The following KLK11 variants were observed in gnomAD, a reference collection of about 807,000 sequenced individuals.
KLK11 encodes the protein kallikrein-11.
KLK11 carries 10 observed loss-of-function variants against 23.4 expected under a neutral mutation model. That is an observed-to-expected ratio of 0.43 (90% CI 0.26 to 0.73). The LOEUF (loss-of-function observed/expected upper bound fraction) is 0.73, where lower values mean the gene tolerates loss of function less well. KLK11 is among the 30% of genes least tolerant of loss of function. The pLI is 0.22. For missense variants in KLK11, 285 were observed against 327.8 expected, an observed-to-expected ratio of 0.87 and a Z score of 1.01; for synonymous variants, 131 against 131.7, an observed-to-expected ratio of 0.99 and a Z score of 0.03.
chr19:51,025,943 G>A lies in KLK11; in HGVS notation c.-35-277C>T. The A allele has an allele frequency of 3.4e-6, 1 of 297,998 alleles. No individual in the cohort carries two copies. The highest frequency in any genetic ancestry group is 6.2e-6 in the Non-Finnish European group (1 of 161,208). 18.5% of individuals were successfully genotyped at this position (297,998 alleles called of 1,614,324 possible). On this transcript the variant is annotated intron_variant, in intron 1 of 5. Transcript: ENST00000453757. This position sits in a 1 kb window ranked among gnomAD's most constrained non-coding sequence, Gnocchi z 6.2. ...AAGTCGTTGGGAGGGGCTTTGAGCT[G>A]TCAAGCCATGGTTCGGCCCTGTTCA...
intron 5 of KLK11, 38 bp from the exon 6 acceptor site, chr19:51,022,735 G>T (rs191299531): frequency 6.2e-7 from 1 of 1,611,034 alleles, no homozygotes; most frequent in South Asian, 1.1e-5. Context: ...CAGAGAAAGC[G>T]TTGAGCATGG....
At chr19:51,027,558 T>C (rs769713799), upstream of KLK11, 1 of 1,613,030 alleles carries the variant, frequency 6.2e-7, no homozygotes, top group Non-Finnish European at 8.5e-7. Flanking sequence ...TCCCAGCTTG[T>C]TTGTTTTCAG....
chr19:51,022,843 G>A (rs1324218265), intron 5 of KLK11, 146 bp from the exon 6 acceptor site: 17 of 996,468 alleles, frequency 1.7e-5, no homozygotes, highest in Non-Finnish European at 2.4e-5. Context: ...ATAAAGCTGG[G>A]ATTATGGGTG....
chr19:51,025,713 C>A lies in KLK11; in HGVS notation c.-35-47G>T. On this transcript the variant is annotated intron_variant, in intron 1 of 5. Transcript: ENST00000453757. The surrounding 1 kb of genome is among the most constrained non-coding windows in gnomAD (Gnocchi z 6.2). ...GGGCCGCATCACTTTACGGGGAAAT[C>A]GGGAGGGGGGGGCTGGCTCATGCCC... 1 of 716,408 alleles carries A rather than the reference C, an allele frequency of 1.4e-6. No homozygotes were observed. Among genetic ancestry groups the A allele is most frequent in the African/African-American group, 1.8e-5 (1 of 54,644 alleles). 44.4% of individuals were successfully genotyped at this position (716,408 alleles called of 1,614,324 possible). A position where few individuals can be genotyped will look rare whatever the true frequency, so the allele number is the denominator to read the frequency against.
chr19:51,027,630 G>C (rs878973249), upstream of KLK11: 1 of 1,321,580 alleles, frequency 7.6e-7, no homozygotes, highest in South Asian at 1.2e-5. Context: ...AGCAAGGCAG[G>C]GGAGGGCCTA....
rs141778830 is a variant in KLK11, at chr19:51,025,652, G to C, written c.-21C>G. ...CTCATGGCCTGGAGGGGGGAGGAGC[G>C]GGCCCCAGGTTCCTCTGGGAACAAG... is the stretch of plus-strand genomic sequence containing the variant. On this transcript the variant is annotated 5_prime_UTR_variant, in exon 2 of 6. Transcript: ENST00000453757. This position sits in a 1 kb window ranked among gnomAD's most constrained non-coding sequence, Gnocchi z 6.2. 8.9e-6 allele frequency: 14 copies of C among 1,578,492 alleles called. No homozygotes were observed. The East Asian group carries it at 3.3e-4, about 37-fold the overall frequency.
chr19:51,027,227 G>A (rs973276597), upstream of KLK11: 2 of 541,258 alleles, frequency 3.7e-6, no homozygotes, highest in Non-Finnish European at 6.6e-6. Context: ...GCAAGGAGAG[G>A]GGGGGTGTGC....
chr19:51,025,639 A>T lies in KLK11; in HGVS notation c.-8T>A. 1 of 1,575,270 alleles carries T rather than the reference A, an allele frequency of 6.3e-7. No homozygotes were observed. The highest frequency in any genetic ancestry group is 8.6e-7 in the Non-Finnish European group (1 of 1,160,684). On this transcript the variant is annotated 5_prime_UTR_variant, in exon 2 of 6. Coordinates refer to ENST00000453757, the MANE Select transcript of KLK11 (RefSeq NM_001136032.3). This position sits in a 1 kb window ranked among gnomAD's most constrained non-coding sequence, Gnocchi z 6.2. The stretch of plus-strand genomic sequence containing the variant: ...TAACTGCAGAATCCTCATGGCCTGG[A>T]GGGGGGAGGAGCGGGCCCCAGGTTC...
Position 51,025,853 on chromosome 19 carries a change from C to A in KLK11, c.-35-187G>T. ...AACACTTAAAATATATCTTAGGTGT[C>A]TAGGGTGGCCTTGGAGAGGGCCTGG... is the stretch of plus-strand genomic sequence containing the variant. On this transcript the variant is annotated intron_variant, in intron 1 of 5. Coordinates refer to ENST00000453757, the MANE Select transcript of KLK11 (RefSeq NM_001136032.3). The surrounding 1 kb of genome is among the most constrained non-coding windows in gnomAD (Gnocchi z 6.2). 2.2e-6 allele frequency: 1 copy of A among 456,176 alleles called. No individual in the cohort carries two copies. The allele number at this position is 456,176 out of a possible 1,614,324, so 28.3% of individuals were successfully genotyped here.
intron 1 of KLK11, among the ~76,000 whole-genome samples, chr19:51,026,211 C>A (rs1419600963): frequency 6.6e-6 from 1 of 152,096 alleles, no homozygotes; most frequent in Non-Finnish European, 1.5e-5. Context: ...TGCTGAAGCC[C>A]TGTCCGCCAA....
Position 51,025,990 on chromosome 19 carries a change from G to A in KLK11, c.-35-324C>T, listed in dbSNP as rs570042883. Among the ~76,000 whole-genome samples the A allele has an allele frequency of 1.4e-4, 22 of 152,278 alleles. No individual in the cohort carries two copies. Among genetic ancestry groups the A allele is most frequent in the East Asian group, 9.7e-4 (5 of 5,170 alleles). ...TTCAAGTCAGCCATGGGACCTCCCC[G>A]GCACATGTCAGAGGATGTTTTCCTT... is the stretch of plus-strand genomic sequence containing the variant. On this transcript the variant is annotated intron_variant, in intron 1 of 5. Transcript: ENST00000453757. This position sits in a 1 kb window ranked among gnomAD's most constrained non-coding sequence, Gnocchi z 6.2.
chr19:51,023,060 G>A (rs1210917797), intron 5 of KLK11, 32 bp downstream of exon 5: 1 of 1,575,530 alleles, frequency 6.3e-7, no homozygotes, highest in Non-Finnish European at 8.6e-7. Flanking sequence ...GCTGGGGATG[G>A]GGATGGGGCT....
chr19:51,027,898 C>T (rs1362743612), upstream of KLK11: 1 of 183,046 alleles, frequency 5.5e-6, no homozygotes, highest in African/African-American at 2.4e-5. Flanking sequence ...CTCCCTCCCT[C>T]CTCCAGTTTC....
At position 51,023,116 on chromosome 19, in the gene KLK11, C is replaced by T. The variant is rs1230742998; in HGVS notation, c.576G>A (p.Gln192=). ...ITDTMVCASV[Q]EGGKDSCQGD... ...CCTGGCAGGAGTCCTTGCCCCCTTC[C>T]TGCACGCTGGCACACACCATGGTGT... Residue 192 remains glutamine, a synonymous_variant, in exon 5 of 6, where the codon CAG becomes CAA. Coordinates refer to ENST00000453757, the MANE Select transcript of KLK11 (RefSeq NM_001136032.3). 1.2e-6 allele frequency: 2 copies of T among 1,611,362 alleles called. No individual in the cohort carries two copies. The highest frequency in any genetic ancestry group is 1.1e-5 in the South Asian group (1 of 90,304).
chr19:51,025,599 C>G lies in KLK11; in HGVS notation c.33G>C (p.Leu11=). ...CCCCCATCCCCTGCGTACCTGTTGC[C>G]AGAGCAAGCAGGATTAACTGCAGAA... MRILQLILLA[L]ATGLVGGETR... is the part of the protein sequence containing the mutation. Residue 11 remains leucine, a synonymous_variant, in exon 2 of 6, where the codon CTG becomes CTC. Coordinates refer to ENST00000453757, the MANE Select transcript of KLK11 (RefSeq NM_001136032.3). This position sits in a 1 kb window ranked among gnomAD's most constrained non-coding sequence, Gnocchi z 6.2. The G allele has an allele frequency of 6.3e-7, 1 of 1,582,124 alleles. No individual in the cohort carries two copies. The highest frequency in any genetic ancestry group is 8.6e-7 in the Non-Finnish European group (1 of 1,163,412).
chr19:51,024,003 CT>C lies in KLK11; in HGVS notation c.463+41del. 6.9e-7 allele frequency: 1 copy of C among 1,449,498 alleles called. No homozygotes were observed. The highest frequency in any genetic ancestry group is 1.4e-5 in the South Asian group (1 of 70,424). The allele number at this position is 1,449,498 out of a possible 1,614,324, so 89.8% of individuals were successfully genotyped here. A position where few individuals can be genotyped will look rare whatever the true frequency, so the allele number is the denominator to read the frequency against. The stretch of plus-strand genomic sequence containing the variant: ...ACCCTTCCACAATCCTGACCACTCC[CT>C]CCTCACCACCCCCTGCCAGGTTCCC... On this transcript the variant is annotated intron_variant, in intron 4 of 5. Coordinates refer to ENST00000453757, the MANE Select transcript of KLK11 (RefSeq NM_001136032.3). The surrounding 1 kb of genome is among the most constrained non-coding windows in gnomAD (Gnocchi z 6.2).
At position 51,025,534 on chromosome 19, in the gene KLK11, TA is replaced by T; in HGVS notation, c.40+57del. The T allele has an allele frequency of 1.7e-6, 2 of 1,203,978 alleles. No individual in the cohort carries two copies. Among genetic ancestry groups the T allele is most frequent in the Admixed American group, 2.4e-5 (1 of 41,326 alleles). The allele number at this position is 1,203,978 out of a possible 1,614,324, so 74.6% of individuals were successfully genotyped here. A position where few individuals can be genotyped will look rare whatever the true frequency, so the allele number is the denominator to read the frequency against. ...CTGTCACTGTCCAGACACAGAGGGTTAGGGGATCCCAGAGATTCAAGAGGGA... is the reference window on the plus strand; with the variant it reads ...CTGTCACTGTCCAGACACAGAGGGTTGGGGATCCCAGAGATTCAAGAGGGA... On this transcript the variant is annotated intron_variant, in intron 2 of 5. Coordinates refer to ENST00000453757, the MANE Select transcript of KLK11 (RefSeq NM_001136032.3). This position sits in a 1 kb window ranked among gnomAD's most constrained non-coding sequence, Gnocchi z 6.2.
chr19:51,027,499 G>A, upstream of KLK11: 1 of 1,614,084 alleles, frequency 6.2e-7, no homozygotes, highest in Non-Finnish European at 8.5e-7. Flanking sequence ...CAGTCCCGCA[G>A]CCACCTCAAC....
intron 5 of KLK11, 127 bp downstream of exon 5, chr19:51,022,965 G>A: frequency 1.8e-6 from 2 of 1,098,674 alleles, no homozygotes. Context: ...AACGGGAACA[G>A]GGGAAGAGAT....
Sources: allele counts gnomAD v4.1 joint callset (sites outside exome capture counted in the v4.1 genomes callset), GRCh38; gene constraint gnomAD v4.1.1; non-coding constraint Gnocchi (gnomAD v3.1); transcripts MANE v1.5; gene names NCBI Gene and HGNC (gene_info 2026-07-23, HGNC 2026-07-21).